The following FOXP1 variants were observed in gnomAD, a reference collection of about 807,000 sequenced individuals.
The protein encoded by FOXP1 is forkhead box protein P1.
A neutral mutation model predicts 98.2 loss-of-function variants in FOXP1; 15 were observed. That is an observed-to-expected ratio of 0.15 (90% CI 0.10 to 0.24). FOXP1 has a LOEUF of 0.24. Among genes scored for constraint, FOXP1 ranks in the 10% least tolerant of loss-of-function variants. The pLI is 1.00. For missense variants in FOXP1, 633 were observed against 848.5 expected (o/e 0.75, Z 3.15); for synonymous variants, 371 against 314.5 (o/e 1.18, Z -1.90).
chr3:71,565,577 A>C (rs1257076253), intron 2 of FOXP1, among the ~76,000 whole-genome samples: 1 of 152,214 alleles, frequency 6.6e-6, no homozygotes, highest in Non-Finnish European at 1.5e-5. Flanking sequence ...TAGAAAGAAA[A>C]AGCGGCAGCT....
intron 10 of FOXP1, 48 bp from the exon 11 acceptor site, chr3:71,041,580 T>G: frequency 6.4e-7 from 1 of 1,555,820 alleles, no homozygotes; most frequent in South Asian, 1.1e-5. Context: ...GCTAATTCCG[T>G]CCTCTTCAAA....
rs145186097 is a variant in FOXP1, at chr3:71,280,321, C to CTTTTTT, written c.-12+19493_-12+19498dup. Among the ~76,000 whole-genome samples the CTTTTTT allele has an allele frequency of 4.7e-3, 699 of 147,896 alleles. 5 individuals are homozygous for CTTTTTT. Among genetic ancestry groups the CTTTTTT allele is most frequent in the African/African-American group, 0.016 (646 of 40,030 alleles). ...AAAATTATCCGGTATTTTACAATAT[C>CTTTTTT]TTTTTTTTTTATTTTTTGAGACAGA... On this transcript the variant is annotated intron_variant, in intron 5 of 20. Coordinates refer to ENST00000649528, the MANE Select transcript of FOXP1 (RefSeq NM_001349338.3).
At chr3:71,015,374 C>T (rs1480336828) in intron 12 of FOXP1, among the ~76,000 whole-genome samples, 175 bp downstream of exon 12, 1 of 151,906 alleles carries the variant, frequency 6.6e-6, no homozygotes, top group Non-Finnish European at 1.5e-5. Flanking sequence ...GTAGTACAAC[C>T]CTCAATAGAT....
At chr3:71,424,411 A>C (rs2083936171) in intron 3 of FOXP1, among the ~76,000 whole-genome samples, 1 of 152,168 alleles carries the variant, frequency 6.6e-6, no homozygotes, top group Admixed American at 6.5e-5. Context: ...TTGCAATGTT[A>C]CCAATGAGGA....
intron 4 of FOXP1, among the ~76,000 whole-genome samples, chr3:71,331,606 T>C (rs932043496): frequency 3.3e-5 from 5 of 152,360 alleles, no homozygotes; most frequent in African/African-American, 1.2e-4. Context: ...AGCTAAGGGA[T>C]TGTAAATACA....
chr3:71,490,348 ATTAGCTGGGTGTGGTGGTGG>A (rs1483644275), intron 3 of FOXP1, among the ~76,000 whole-genome samples: 1 of 152,132 alleles, frequency 6.6e-6, no homozygotes, highest in Admixed American at 6.6e-5. Flanking sequence ...AGATACAAAA[ATTAGCTGGGTGTGGTGGTGG>A]GCACCTGCAA....
At chr3:71,085,734 C>CTTTTTTTTTTTTTTTTTTTTTTTTTT (rs1442095039) in intron 7 of FOXP1, among the ~76,000 whole-genome samples, 2 of 3,134 alleles carry the variant, frequency 6.4e-4, no homozygotes, top group Non-Finnish European at 1.8e-3. Context: ...TCATTTATGG[C>CTTTTTTTTTTTTTTTTTTTTTTTTTT]CTTTTTTTTT....
At chr3:71,273,342 C>G (rs1019442244) in intron 5 of FOXP1, among the ~76,000 whole-genome samples, 1 of 152,160 alleles carries the variant, frequency 6.6e-6, no homozygotes, top group Non-Finnish European at 1.5e-5. Context: ...GCAGTGTCAT[C>G]TGATGCTTAC....
At chr3:71,310,390 C>G (rs1300244235) in intron 4 of FOXP1, among the ~76,000 whole-genome samples, 1 of 152,170 alleles carries the variant, frequency 6.6e-6, no homozygotes, top group African/African-American at 2.4e-5. Context: ...ACCAATAAAG[C>G]ATCATAAATG....
At chr3:71,056,028 T>C (rs374335237) in intron 7 of FOXP1, among the ~76,000 whole-genome samples, 3 of 152,236 alleles carry the variant, frequency 2.0e-5, no homozygotes, top group East Asian at 3.9e-4. Flanking sequence ...AGAAACCTTA[T>C]ACTAGAAAGG....
chr3:71,313,057 CT>C (rs1227506558), intron 4 of FOXP1, among the ~76,000 whole-genome samples: 3,069 of 118,966 alleles, frequency 0.026, 65 homozygotes, highest in African/African-American at 0.083. Context: ...AACTTTAATT[CT>C]TTTTTTTTTT....
chr3:71,112,102 T>C (rs2057981589), intron 7 of FOXP1, among the ~76,000 whole-genome samples: 1 of 110,278 alleles, frequency 9.1e-6, no homozygotes, highest in South Asian at 3.4e-4. Context: ...TTGCCCATTG[T>C]CTCCTGGTGG....
chr3:71,401,698 A>G lies in FOXP1; in HGVS notation c.-167-42454T>C, dbSNP rs116366598. Among the ~76,000 whole-genome samples the G allele has an allele frequency of 7.1e-3, 1,082 of 152,314 alleles. 14 individuals carry two copies. The highest frequency in any genetic ancestry group is 0.025 in the African/African-American group (1,023 of 41,560). On this transcript the variant is annotated intron_variant, in intron 3 of 20. Transcript: ENST00000649528. ...GGGCATCTGGAACTGTCTCTGCTCT[A>G]GTGCTGCACTAATTGGTTGATACCT...
chr3:71,071,430 A>G (rs990170006), intron 7 of FOXP1, among the ~76,000 whole-genome samples: 3 of 152,222 alleles, frequency 2.0e-5, no homozygotes, highest in African/African-American at 7.2e-5. Flanking sequence ...ACTCTGAGAT[A>G]GTACAGGAGT....
chr3:71,225,507 A>T (rs1384182650), intron 5 of FOXP1, among the ~76,000 whole-genome samples: 1 of 127,220 alleles, frequency 7.9e-6, no homozygotes, highest in Non-Finnish European at 1.6e-5. Context: ...GTTTATAATT[A>T]TGACGAGGAA....
chr3:71,278,384 T>C (rs1356585114), intron 5 of FOXP1, among the ~76,000 whole-genome samples: 1 of 152,088 alleles, frequency 6.6e-6, no homozygotes, highest in Non-Finnish European at 1.5e-5. Flanking sequence ...CTACAAAAGG[T>C]GGTCTATGGT....
chr3:71,191,106 C>T lies in FOXP1; in HGVS notation c.180+7096G>A, dbSNP rs534478182. ...TAAAAGTACACTAGACTCCATCAGG[C>T]GAGCTATAGGTTTACATTATATAAA... On this transcript the variant is annotated intron_variant, in intron 6 of 20. Transcript: ENST00000649528. Among the ~76,000 whole-genome samples the T allele has an allele frequency of 9.2e-5, 14 of 152,298 alleles. No individual in the cohort carries two copies. The East Asian group carries it at 2.7e-3, about 29-fold the overall frequency.
chr3:71,235,883 GA>G (rs1331089450), intron 5 of FOXP1, among the ~76,000 whole-genome samples: 1 of 152,078 alleles, frequency 6.6e-6, no homozygotes, highest in Non-Finnish European at 1.5e-5. Flanking sequence ...CTCTCTTTAA[GA>G]AACTATACTT....
At chr3:71,416,398 C>T (rs1348061150) in intron 3 of FOXP1, among the ~76,000 whole-genome samples, 1 of 151,870 alleles carries the variant, frequency 6.6e-6, no homozygotes, top group Admixed American at 6.6e-5. Flanking sequence ...AAAAATTTGC[C>T]AGGTATGGTG....
Sources: gnomAD v4.1 joint callset for allele counts (sites outside exome capture counted in the v4.1 genomes callset) on GRCh38, gnomAD v4.1.1 for gene constraint, MANE v1.5 for transcripts, NCBI Gene and HGNC (gene_info 2026-07-23, HGNC 2026-07-21) for gene names.